NTM: variants seen among roughly 807,000 people sequenced by gnomAD.
The protein encoded by NTM is neurotrimin.
Under a neutral mutation model 42.1 loss-of-function variants are expected in NTM, and 13 were observed. The ratio of observed to expected loss-of-function variants is 0.31; its 90% CI spans 0.20 to 0.49. NTM has a LOEUF of 0.49. Among genes scored for constraint, NTM ranks in the 20% least tolerant of loss-of-function variants. NTM has a pLI of 0.99. For missense variants in NTM, 373 were observed against 452.8 expected, an observed-to-expected ratio of 0.82 and a Z score of 1.60; for synonymous variants, 187 against 179.2, an observed-to-expected ratio of 1.04 and a Z score of -0.35.
At chr11:131,432,484 C>T (rs929868736) in intron 1 of NTM, among the ~76,000 whole-genome samples, 5 of 152,138 alleles carry the variant, frequency 3.3e-5, no homozygotes, top group Non-Finnish European at 5.9e-5. Context: ...CAAAGATCAA[C>T]GCTGCCTGGT....
At chr11:131,560,872 G>A (rs971558115) in intron 1 of NTM, among the ~76,000 whole-genome samples, 2 of 152,162 alleles carry the variant, frequency 1.3e-5, no homozygotes, top group African/African-American at 4.8e-5. Context: ...CTTTCTCTGT[G>A]TGTAAGCACC....
At chr11:132,056,458 G>A (rs997575582) in intron 2 of NTM, among the ~76,000 whole-genome samples, 1 of 152,176 alleles carries the variant, frequency 6.6e-6, no homozygotes, top group Non-Finnish European at 1.5e-5. Context: ...CATATCACCT[G>A]ATATTTCATC....
intron 1 of NTM, among the ~76,000 whole-genome samples, chr11:131,490,160 G>C (rs1189601926): frequency 1.3e-5 from 2 of 152,098 alleles, no homozygotes; most frequent in Non-Finnish European, 2.9e-5. Context: ...CATTCATGAG[G>C]GAACCATCCC....
chr11:131,968,592 G>A (rs556255826), intron 2 of NTM, among the ~76,000 whole-genome samples: 22 of 152,204 alleles, frequency 1.4e-4, no homozygotes, highest in African/African-American at 3.4e-4. Flanking sequence ...CCTGATCAGC[G>A]TTTCTGTCTT....
chr11:131,911,118 A>G (rs2054838902), intron 1 of NTM: 2 of 1,220,546 alleles, frequency 1.6e-6, no homozygotes, highest in East Asian at 4.5e-5. Flanking sequence ...ACTCCTCTCC[A>G]AAGTGCCGTG....
intron 2 of NTM, among the ~76,000 whole-genome samples, chr11:132,063,491 A>T (rs80173267): frequency 2.6e-5 from 4 of 152,112 alleles, no homozygotes; most frequent in Admixed American, 6.5e-5. Context: ...AATATAGATA[A>T]GGAATAATCA....
intron 1 of NTM, among the ~76,000 whole-genome samples, chr11:131,741,089 C>T (rs187284704): frequency 7.8e-4 from 119 of 151,618 alleles, no homozygotes; most frequent in African/African-American, 2.5e-3. Context: ...TGTTTGAACC[C>T]GGGAGGCGGA....
intron 1 of NTM, among the ~76,000 whole-genome samples, chr11:131,643,898 T>G (rs940101727): frequency 6.6e-6 from 1 of 152,180 alleles, no homozygotes; most frequent in African/African-American, 2.4e-5. Flanking sequence ...GTCCTGAGGG[T>G]ACACACTACC....
chr11:131,659,538 A>G (rs961107683), intron 1 of NTM, among the ~76,000 whole-genome samples: 1 of 152,198 alleles, frequency 6.6e-6, no homozygotes, highest in East Asian at 1.9e-4. Context: ...ACTCAATTGT[A>G]TTTAGTTTTA....
At chr11:131,914,469 T>G (rs2138059950) in intron 2 of NTM, among the ~76,000 whole-genome samples, 1 of 152,356 alleles carries the variant, frequency 6.6e-6, no homozygotes, top group South Asian at 2.1e-4. Flanking sequence ...GTTTTCTTCA[T>G]AACCAGCAGA....
At chr11:131,611,982 C>T (rs891259592) in intron 1 of NTM, among the ~76,000 whole-genome samples, 12 of 152,192 alleles carry the variant, frequency 7.9e-5, no homozygotes, top group Admixed American at 7.9e-4. Flanking sequence ...CTCCTTTCCA[C>T]AGTCTGTGAA....
chr11:131,493,967 T>TG (rs1466841609), intron 1 of NTM, among the ~76,000 whole-genome samples: 2 of 152,180 alleles, frequency 1.3e-5, no homozygotes, highest in Admixed American at 6.5e-5. Context: ...TCTCCTCAAA[T>TG]ACCTTTTATT....
At position 131,502,577 on chromosome 11, in the gene NTM, GC is replaced by G. The variant is rs2046968553; in HGVS notation, c.82+131692del. On this transcript the variant is annotated intron_variant, in intron 1 of 8. Coordinates refer to ENST00000683400, the MANE Select transcript of NTM (RefSeq NM_001352005.2). ...GGGTGCAAGAGAGTGAGGAGTCGGG[GC>G]CCATGCTGCTGCATTCCCCGGCGTC... is the stretch of plus-strand genomic sequence containing the variant. Among the ~76,000 whole-genome samples, 5 of 152,232 alleles carry G rather than the reference GC, an allele frequency of 3.3e-5. No individual in the cohort carries two copies. In the South Asian group the frequency reaches 1.0e-3, roughly 32 times the overall value.
chr11:131,693,136 G>A (rs2074994738), intron 1 of NTM, among the ~76,000 whole-genome samples: 1 of 152,148 alleles, frequency 6.6e-6, no homozygotes, highest in South Asian at 2.1e-4. Flanking sequence ...CTGGGCATGG[G>A]GGTCAGGGCA....
intron 1 of NTM, among the ~76,000 whole-genome samples, chr11:131,809,998 A>C (rs901340488): frequency 6.6e-6 from 1 of 152,172 alleles, no homozygotes. Context: ...CTTTAAATTA[A>C]AACTCCCTCC....
intron 1 of NTM, among the ~76,000 whole-genome samples, chr11:131,437,878 T>C (rs918410299): frequency 1.3e-5 from 2 of 152,224 alleles, no homozygotes; most frequent in Non-Finnish European, 2.9e-5. Context: ...TTCCTAGCAT[T>C]GATGGTCTTT....
At chr11:131,790,196 A>T (rs1240682986) in intron 1 of NTM, among the ~76,000 whole-genome samples, 1 of 152,164 alleles carries the variant, frequency 6.6e-6, no homozygotes, top group Non-Finnish European at 1.5e-5. Context: ...GATTGATAAG[A>T]TCAAGGTAAA....
At chr11:131,772,946 A>G (rs2086354762) in intron 1 of NTM, among the ~76,000 whole-genome samples, 1 of 152,218 alleles carries the variant, frequency 6.6e-6, no homozygotes. Context: ...TTAGACAGAC[A>G]AAGAGAAGAG....
At chr11:131,858,469 A>C (rs774451955) in intron 1 of NTM, among the ~76,000 whole-genome samples, 4 of 152,218 alleles carry the variant, frequency 2.6e-5, no homozygotes, top group Middle Eastern at 3.2e-3. Flanking sequence ...GAATCTGGCC[A>C]ATGTGAGGAG....
Sources: gnomAD v4.1 joint callset for allele counts (sites outside exome capture counted in the v4.1 genomes callset) on GRCh38, gnomAD v4.1.1 for gene constraint, MANE v1.5 for transcripts, NCBI Gene and HGNC (gene_info 2026-07-23, HGNC 2026-07-21) for gene names.